RAB3B: variants seen among roughly 807,000 people sequenced by gnomAD.
RAB3B encodes the protein ras-related protein Rab-3B.
Under a neutral mutation model 20.5 loss-of-function variants are expected in RAB3B, and 11 were observed. The observed-to-expected ratio is 0.54, with a 90% CI of 0.34 to 0.89. RAB3B has a LOEUF of 0.89. Ranked by LOEUF, RAB3B falls within the 40% of genes least tolerant of loss-of-function variation. The probability of loss-of-function intolerance (pLI) is 0.02; values close to 1 mark genes in which losing one functional copy is unlikely to be tolerated. For missense variants in RAB3B, 225 were observed against 280.9 expected (o/e 0.80, Z 1.42); for synonymous variants, 99 against 106.3 (o/e 0.93, Z 0.42).
At chr1:51,948,834 T>C (rs1684596844) in intron 2 of RAB3B, among the ~76,000 whole-genome samples, 1 of 152,248 alleles carries the variant, frequency 6.6e-6, no homozygotes, top group Non-Finnish European at 1.5e-5. Context: ...AAACTACCAG[T>C]GCCACAAGAA....
Position 51,912,554 on chromosome 1 carries a change from A to AAAAAAATAT in RAB3B, c.*7372_*7373insATATTTTTT, listed in dbSNP as rs1491223921. 12 of 15,486 alleles carry AAAAAAATAT rather than the reference A, an allele frequency of 7.7e-4. No individual in the cohort carries two copies. The highest frequency in any genetic ancestry group is 3.0e-3 in the South Asian group (1 of 334). 1.0% of individuals were successfully genotyped at this position (15,486 alleles called of 1,614,324 possible). A position where few individuals can be genotyped will look rare whatever the true frequency, so the allele number is the denominator to read the frequency against. On this transcript the variant is annotated 3_prime_UTR_variant, in exon 5 of 5. Coordinates refer to ENST00000371655, the MANE Select transcript of RAB3B (RefSeq NM_002867.4). ...AGACCGTCTCTATTAAAAAAAAAAA[A>AAAAAAATAT]ATATATATATATATATATATATATA...
intron 4 of RAB3B, among the ~76,000 whole-genome samples, chr1:51,928,051 T>C (rs991460516): frequency 6.6e-6 from 1 of 151,972 alleles, no homozygotes; most frequent in Admixed American, 6.6e-5. Context: ...ATCTATATGA[T>C]CTCAACCAAG....
intron 2 of RAB3B, among the ~76,000 whole-genome samples, chr1:51,946,399 G>A (rs1468184562): frequency 6.6e-6 from 1 of 152,190 alleles, no homozygotes; most frequent in African/African-American, 2.4e-5. Context: ...TCCTCCTACT[G>A]ATGAGAGTCA....
At position 51,928,000 on chromosome 1, in the gene RAB3B, C is replaced by T. The variant is rs1363067344; in HGVS notation, c.472+5318G>A. On this transcript the variant is annotated intron_variant, in intron 4 of 4. Transcript: ENST00000371655. ...GTCATGCTTCTTGAAATAAAAGTCCCTAAAACTCCTCTACTGTTCCAAACA... is the reference window on the plus strand; with the variant it reads ...GTCATGCTTCTTGAAATAAAAGTCCTTAAAACTCCTCTACTGTTCCAAACA... Among the ~76,000 whole-genome samples, 3 of 152,160 alleles carry T rather than the reference C, an allele frequency of 2.0e-5. No homozygotes were observed. In the East Asian group the frequency reaches 5.8e-4, roughly 29 times the overall value.
chr1:51,935,424 C>T (rs1684385780), intron 3 of RAB3B, among the ~76,000 whole-genome samples: 1 of 152,156 alleles, frequency 6.6e-6, no homozygotes, highest in African/African-American at 2.4e-5. Context: ...AGACAAAACT[C>T]AAAGGCCAGG....
Position 51,977,027 on chromosome 1 carries a change from T to A in RAB3B, c.91A>T (p.Ser31Cys). Residue 31 changes from serine (S) to cysteine (C), a missense_variant, in exon 2 of 5, where the codon AGC (serine) becomes TGC (cysteine). Coordinates refer to ENST00000371655, the MANE Select transcript of RAB3B (RefSeq NM_002867.4). The part of the protein sequence containing the change: ...YMFKLLIIGN[S>C]SVGKTSFLFR... Reference sequence around the variant, plus strand: ...AGGAAGGAGGTCTTGCCAACACTGCTGTTGCCAATGATAAGCAGTTTAAAC... The same window carrying A: ...AGGAAGGAGGTCTTGCCAACACTGCAGTTGCCAATGATAAGCAGTTTAAAC... 6.2e-7 allele frequency: 1 copy of A among 1,614,232 alleles called. No individual in the cohort carries two copies. Among genetic ancestry groups the A allele is most frequent in the Non-Finnish European group, 8.5e-7 (1 of 1,180,034 alleles).
At chr1:51,920,573 G>T (rs1684158951) in intron 4 of RAB3B, among the ~76,000 whole-genome samples, 1 of 152,144 alleles carries the variant, frequency 6.6e-6, no homozygotes, top group South Asian at 2.1e-4. Flanking sequence ...TTATCACATA[G>T]ATTATTTTAT....
chr1:51,968,170 G>C (rs1684882114), intron 2 of RAB3B, among the ~76,000 whole-genome samples: 1 of 152,146 alleles, frequency 6.6e-6, no homozygotes, highest in Admixed American at 6.5e-5. Flanking sequence ...CCTCCAGAGA[G>C]AACACAGACT....
intron 2 of RAB3B, among the ~76,000 whole-genome samples, chr1:51,963,972 C>T (rs186634396): frequency 6.6e-6 from 1 of 152,160 alleles, no homozygotes; most frequent in Non-Finnish European, 1.5e-5. Context: ...TACCACCATA[C>T]GAACGTGCTG....
Position 51,919,939 on chromosome 1 carries a change from G to T in RAB3B, c.648C>A (p.Asn216Lys). ...AGGTGGGCCTTGCCTAGCATGAGCAGTTCTGCTGCAGCAGCGGTGGGGTGT... is the reference window on the plus strand; with the variant it reads ...AGGTGGGCCTTGCCTAGCATGAGCATTTCTGCTGCAGCAGCGGTGGGGTGT... ...LSDTPPLLQQ[N>K]CSC Residue 216 changes from asparagine (N) to lysine (K), a missense_variant, in exon 5 of 5, where the codon AAC becomes AAA. By Grantham distance (94) the Asn-to-Lys change is moderately conservative (BLOSUM62 0). Transcript: ENST00000371655. The T allele has an allele frequency of 6.2e-7, 1 of 1,613,282 alleles. No individual in the cohort carries two copies. Among genetic ancestry groups the T allele is most frequent in the South Asian group, 1.1e-5 (1 of 90,980 alleles).
chr1:51,909,844 C>T lies in RAB3B; in HGVS notation c.*10083G>A, dbSNP rs1040266438. 1 of 152,176 alleles carries T rather than the reference C, an allele frequency of 6.6e-6. No homozygotes were observed. The highest frequency in any genetic ancestry group is 1.5e-5 in the Non-Finnish European group (1 of 68,100). The allele number at this position is 152,176 out of a possible 1,614,324, so 9.4% of individuals were successfully genotyped here. On this transcript the variant is annotated 3_prime_UTR_variant, in exon 5 of 5. Transcript: ENST00000371655. ...CTTTCTCCAGTCTCTGGTTCTCAGT[C>T]CCCTTACAAAGATCCTGGATTAGAT...
At chr1:51,964,460 CTTAT>C (rs1417624519) in intron 2 of RAB3B, among the ~76,000 whole-genome samples, 1 of 152,162 alleles carries the variant, frequency 6.6e-6, no homozygotes, top group Non-Finnish European at 1.5e-5. Flanking sequence ...CCTTGTTAAT[CTTAT>C]TTGGTCTCAT....
chr1:51,976,875 A>G lies in RAB3B; in HGVS notation c.228+15T>C. 6.2e-7 allele frequency: 1 copy of G among 1,610,166 alleles called. No homozygotes were observed. The highest frequency in any genetic ancestry group is 8.5e-7 in the Non-Finnish European group (1 of 1,176,498). On this transcript the variant is annotated intron_variant, in intron 2 of 4. Coordinates refer to ENST00000371655, the MANE Select transcript of RAB3B (RefSeq NM_002867.4). The stretch of plus-strand genomic sequence containing the variant: ...GCTTCTCAGGAAAATCCTGCCCAAG[A>G]TTCCCGGGACTCACCCAGATCTGCA...
At chr1:51,951,024 G>C (rs2795003) in intron 2 of RAB3B, among the ~76,000 whole-genome samples, 150,474 of 152,274 alleles carry the variant, frequency 0.99, 74,374 homozygotes, top group Middle Eastern at 1. Flanking sequence ...TAATATTATA[G>C]CTATCCGTCC....
intron 2 of RAB3B, among the ~76,000 whole-genome samples, chr1:51,951,737 C>T (rs78768332): frequency 0.013 from 2,044 of 152,236 alleles, 35 homozygotes; most frequent in African/African-American, 0.046. Context: ...TCACTTGAGC[C>T]TAGGAGATGG....
intron 2 of RAB3B, among the ~76,000 whole-genome samples, chr1:51,957,495 C>T (rs10888743): frequency 0.33 from 50,043 of 152,134 alleles, 9,972 homozygotes; most frequent in East Asian, 0.8. Context: ...CACTTCTTGG[C>T]ATGTGACCTT....
rs1173410018 is a variant in RAB3B at position 51,986,212 on chromosome 1, G to A, written c.-1+4340C>T. On this transcript the variant is annotated intron_variant, in intron 1 of 4. Transcript: ENST00000371655. ...GTCGCCCAGGCTGGAGGGCAGTGGCGCGATCTCAGCTCACTGCAAGCTCCG... is the reference window on the plus strand; with the variant it reads ...GTCGCCCAGGCTGGAGGGCAGTGGCACGATCTCAGCTCACTGCAAGCTCCG... 8.1e-5 allele frequency among the ~76,000 whole-genome samples: 12 copies of A among 148,048 alleles called. No individual in the cohort carries two copies. In the East Asian group the frequency reaches 1.2e-3, roughly 15 times the overall value.
chr1:51,941,486 G>C (rs1051620213), intron 2 of RAB3B, among the ~76,000 whole-genome samples: 5 of 152,222 alleles, frequency 3.3e-5, no homozygotes, highest in Non-Finnish European at 5.9e-5. Flanking sequence ...ATCTGAGCTA[G>C]AGTGGTAACA....
chr1:51,977,772 A>G (rs553139223), intron 1 of RAB3B, among the ~76,000 whole-genome samples: 107 of 152,310 alleles, frequency 7.0e-4, no homozygotes, highest in Admixed American at 2.0e-3. Flanking sequence ...ACTGAATGCC[A>G]GCCTGGGTAG....
Sources: gnomAD v4.1 joint callset for allele counts (sites outside exome capture counted in the v4.1 genomes callset) on GRCh38, gnomAD v4.1.1 for gene constraint, MANE v1.5 for transcripts, NCBI Gene and HGNC (gene_info 2026-07-23, HGNC 2026-07-21) for gene names.